PDGFD: variants seen among roughly 807,000 people sequenced by gnomAD.
The protein encoded by PDGFD is platelet-derived growth factor D.
PDGFD carries 30 observed loss-of-function variants against 44.7 expected under a neutral mutation model. The ratio of observed to expected loss-of-function variants is 0.67; its 90% CI spans 0.50 to 0.91. The LOEUF (loss-of-function observed/expected upper bound fraction) is 0.91, where lower values mean the gene tolerates loss of function less well. Among genes scored for constraint, PDGFD ranks in the 40% least tolerant of loss-of-function variants. PDGFD has a pLI of 0.00. For synonymous variants in PDGFD, 173 were observed against 168.4 expected, an observed-to-expected ratio of 1.03 and a Z score of -0.21; for missense variants, 445 against 457.8, an observed-to-expected ratio of 0.97 and a Z score of 0.25.
intron 1 of PDGFD, chr11:104,037,419 T>C: frequency 6.2e-7 from 1 of 1,613,970 alleles, no homozygotes; most frequent in Non-Finnish European, 8.5e-7. Context: ...AGAGGCTTCG[T>C]CTCTACACAG....
At chr11:104,135,163 TAAC>T (rs1257345523) in intron 1 of PDGFD, among the ~76,000 whole-genome samples, 3 of 152,034 alleles carry the variant, frequency 2.0e-5, no homozygotes, top group Non-Finnish European at 2.9e-5. Context: ...ATTTAACATT[TAAC>T]ATTTAACACA....
intron 1 of PDGFD, among the ~76,000 whole-genome samples, chr11:104,139,923 G>T (rs1156691445): frequency 1.3e-5 from 1 of 74,168 alleles, no homozygotes; most frequent in Non-Finnish European, 2.5e-5. Context: ...AGCCGGGCGC[G>T]GTGGCGGGCG....
At chr11:104,000,941 C>T (rs774465176) in intron 1 of PDGFD, among the ~76,000 whole-genome samples, 39 of 151,774 alleles carry the variant, frequency 2.6e-4, no homozygotes, top group African/African-American at 2.4e-5. Context: ...GAATTTCTCA[C>T]GTCATAGAAA....
chr11:103,976,714 T>A (rs1005187769), intron 3 of PDGFD, among the ~76,000 whole-genome samples: 1 of 152,132 alleles, frequency 6.6e-6, no homozygotes, highest in Non-Finnish European at 1.5e-5. Context: ...GAATAGTTTA[T>A]CTCAATAAAC....
chr11:104,125,930 G>A (rs142850786), intron 1 of PDGFD, among the ~76,000 whole-genome samples: 132 of 152,234 alleles, frequency 8.7e-4, no homozygotes, highest in African/African-American at 3.0e-3. Flanking sequence ...CAGTGACATC[G>A]TTACATAGAA....
intron 1 of PDGFD, among the ~76,000 whole-genome samples, chr11:104,019,896 A>G (rs982795661): frequency 6.6e-6 from 1 of 152,172 alleles, no homozygotes; most frequent in African/African-American, 2.4e-5. Context: ...CACCTAATCT[A>G]CATGTCACTT....
intron 1 of PDGFD, among the ~76,000 whole-genome samples, chr11:104,091,193 G>A (rs1861208815): frequency 6.6e-6 from 1 of 152,092 alleles, no homozygotes; most frequent in Non-Finnish European, 1.5e-5. Flanking sequence ...TATAGAAATA[G>A]TTTCACAAAT....
At chr11:103,959,661 C>T (rs1030896921) in intron 3 of PDGFD, among the ~76,000 whole-genome samples, 3 of 152,254 alleles carry the variant, frequency 2.0e-5, no homozygotes, top group Non-Finnish European at 2.9e-5. Flanking sequence ...GAGTTTCAGA[C>T]TGTGCTAAGT....
intron 4 of PDGFD, 75 bp downstream of exon 4, chr11:103,947,587 G>A (rs1156480003): frequency 2.2e-5 from 25 of 1,127,268 alleles, no homozygotes; most frequent in Non-Finnish European, 2.3e-5. Context: ...CTTAATGCAG[G>A]TGAAGTCCTT....
chr11:104,027,044 C>T (rs974360480), intron 1 of PDGFD, among the ~76,000 whole-genome samples: 1 of 152,170 alleles, frequency 6.6e-6, no homozygotes, highest in East Asian at 1.9e-4. Flanking sequence ...CTATAAGCAC[C>T]TTATGAACAA....
intron 1 of PDGFD, among the ~76,000 whole-genome samples, chr11:104,135,211 G>A (rs1043448869): frequency 1.3e-5 from 2 of 152,196 alleles, no homozygotes; most frequent in Non-Finnish European, 2.9e-5. Flanking sequence ...AATAGATAGT[G>A]GTTACCCTTT....
chr11:104,018,525 C>T (rs983127806), intron 1 of PDGFD, among the ~76,000 whole-genome samples: 103 of 152,218 alleles, frequency 6.8e-4, no homozygotes, highest in African/African-American at 2.4e-3. Context: ...GCAGTCGAAC[C>T]CATGACATGT....
chr11:104,070,854 C>T (rs1565326513), intron 1 of PDGFD, among the ~76,000 whole-genome samples: 1 of 152,030 alleles, frequency 6.6e-6, no homozygotes, highest in Non-Finnish European at 1.5e-5. Context: ...AAATGAATAC[C>T]TTATGCATAT....
chr11:104,014,324 C>T (rs1859828507), intron 1 of PDGFD, among the ~76,000 whole-genome samples: 1 of 152,084 alleles, frequency 6.6e-6, no homozygotes, highest in Non-Finnish European at 1.5e-5. Flanking sequence ...AGAGAGACCC[C>T]ATGTCTACTA....
intron 6 of PDGFD, among the ~76,000 whole-genome samples, chr11:103,911,017 C>A (rs1858021042): frequency 6.6e-6 from 1 of 152,242 alleles, no homozygotes; most frequent in Non-Finnish European, 1.5e-5. Context: ...GCCGCTGTGG[C>A]CAAACTGCCT....
At chr11:104,144,549 AAACAAAAAGGCC>A (rs1862136937) in intron 1 of PDGFD, among the ~76,000 whole-genome samples, 1 of 148,486 alleles carries the variant, frequency 6.7e-6, no homozygotes. Flanking sequence ...CAAAACAAAC[AAACAAAAAGGCC>A]AAACTGAACA....
intron 4 of PDGFD, among the ~76,000 whole-genome samples, chr11:103,947,452 C>T (rs2134325635): frequency 6.6e-6 from 1 of 152,270 alleles, no homozygotes; most frequent in South Asian, 2.1e-4. Context: ...CCATGCTATA[C>T]TGGCAGTTCC....
chr11:104,010,702 T>C (rs1030283058), intron 1 of PDGFD, among the ~76,000 whole-genome samples: 3 of 152,130 alleles, frequency 2.0e-5, no homozygotes, highest in Non-Finnish European at 4.4e-5. Context: ...TATTAATTAA[T>C]TCTCTGATAA....
chr11:104,065,737 G>A (rs1279157650), intron 1 of PDGFD, among the ~76,000 whole-genome samples: 1 of 152,018 alleles, frequency 6.6e-6, no homozygotes, highest in Non-Finnish European at 1.5e-5. Flanking sequence ...CTTCATCAAG[G>A]TGCTGTGAAA....
Sources: allele counts gnomAD v4.1 joint callset (sites outside exome capture counted in the v4.1 genomes callset), GRCh38; gene constraint gnomAD v4.1.1; transcripts MANE v1.5; gene names NCBI Gene and HGNC (gene_info 2026-07-23, HGNC 2026-07-21).